Variants in AGAP1 observed in about 807,000 individuals in gnomAD.
AGAP1 encodes the protein ArfGAP with GTPase domain, ankyrin repeat and PH domain 1.
In AGAP1, 29 loss-of-function variants were observed where a neutral mutation model predicts 105.3. The observed-to-expected ratio is 0.28, with a 90% CI of 0.21 to 0.38. The LOEUF (loss-of-function observed/expected upper bound fraction) is 0.38, where lower values mean the gene tolerates loss of function less well. Among genes scored for constraint, AGAP1 ranks in the 10% least tolerant of loss-of-function variants. The pLI, the probability that AGAP1 is intolerant of heterozygous loss-of-function variation, is 1.00. For missense variants in AGAP1, 998 were observed against 1,165.1 expected (o/e 0.86, Z 2.09); for synonymous variants, 509 against 485.9 (o/e 1.05, Z -0.63).
intron 9 of AGAP1, among the ~76,000 whole-genome samples, chr2:235,832,128 A>C (rs921493016): frequency 3.3e-5 from 5 of 152,152 alleles, no homozygotes; most frequent in African/African-American, 1.2e-4. Flanking sequence ...GTTTCTGTTC[A>C]GATCTTCTGC....
chr2:235,926,156 A>G (rs942067249), intron 11 of AGAP1, among the ~76,000 whole-genome samples: 1 of 152,254 alleles, frequency 6.6e-6, no homozygotes, highest in Non-Finnish European at 1.5e-5. Context: ...ACATTCATTC[A>G]AGAACAGAAA....
chr2:235,743,333 C>T (rs1381678049), intron 4 of AGAP1, among the ~76,000 whole-genome samples: 2 of 152,192 alleles, frequency 1.3e-5, no homozygotes, highest in Non-Finnish European at 2.9e-5. Context: ...CTCAGATGGG[C>T]TTCAGCTCCC....
chr2:235,779,050 C>T (rs1956092642), intron 6 of AGAP1, among the ~76,000 whole-genome samples: 1 of 152,204 alleles, frequency 6.6e-6, no homozygotes, highest in Admixed American at 6.5e-5. Context: ...AAAGATCATG[C>T]AGGTCATAAA....
chr2:235,683,057 AG>A (rs1436427355), intron 1 of AGAP1, among the ~76,000 whole-genome samples: 1 of 152,180 alleles, frequency 6.6e-6, no homozygotes, highest in Non-Finnish European at 1.5e-5. Flanking sequence ...CTGTAATCCC[AG>A]CACTTTGGGA....
intron 13 of AGAP1, among the ~76,000 whole-genome samples, chr2:236,025,278 G>T (rs1559202839): frequency 6.6e-6 from 1 of 152,152 alleles, no homozygotes; most frequent in Admixed American, 6.5e-5. Flanking sequence ...TGAAGTGAGG[G>T]TGGCAGTGGA....
At chr2:235,561,783 T>TA (rs1320564963) in intron 1 of AGAP1, among the ~76,000 whole-genome samples, 3 of 152,338 alleles carry the variant, frequency 2.0e-5, no homozygotes, top group African/African-American at 4.8e-5. Flanking sequence ...GCCTTTGATT[T>TA]AAAAACTGTT....
intron 13 of AGAP1, among the ~76,000 whole-genome samples, chr2:235,998,490 C>T (rs941563728): frequency 6.6e-6 from 1 of 152,186 alleles, no homozygotes; most frequent in African/African-American, 2.4e-5. Flanking sequence ...CTAGTTCTTA[C>T]ACCTCTGGAA....
At position 235,875,307 on chromosome 2, in the gene AGAP1, G is replaced by A. The variant is rs908179677; in HGVS notation, c.1051-8038G>A. ...AAAATCGATGGTATTTTAAATTGTT[G>A]GGATGAACAAGCACTTTGGGTTCCT... On this transcript the variant is annotated intron_variant, in intron 9 of 17. Coordinates refer to ENST00000304032, the MANE Select transcript of AGAP1 (RefSeq NM_001037131.3). The surrounding 1 kb of genome is among the most constrained non-coding windows in gnomAD (Gnocchi z 4.0). 4.6e-5 allele frequency among the ~76,000 whole-genome samples: 7 copies of A among 152,178 alleles called. No individual in the cohort carries two copies. The highest frequency in any genetic ancestry group is 1.7e-4 in the African/African-American group (7 of 41,434).
intron 1 of AGAP1, among the ~76,000 whole-genome samples, chr2:235,651,013 C>G (rs1003114696): frequency 6.6e-6 from 1 of 151,734 alleles, no homozygotes; most frequent in African/African-American, 2.4e-5. Flanking sequence ...AACCCGGTCT[C>G]TCTTAAAAAT....
In AGAP1 at chr2:236,040,526, G is replaced by C. The variant is rs1478388539; in HGVS notation, c.1801-225G>C. ...ATTTCTGGCAGAGTCCGTCTCAGCT[G>C]ATGAGTTAAAATGTGACATTTCCTC... On this transcript the variant is annotated intron_variant, in intron 14 of 17. Transcript: ENST00000304032. This position sits in a 1 kb window ranked among gnomAD's most constrained non-coding sequence, Gnocchi z 5.6. The C allele has an allele frequency of 5.5e-5, 30 of 541,862 alleles. No individual in the cohort carries two copies. The highest frequency in any genetic ancestry group is 6.6e-6 in the Non-Finnish European group (2 of 301,066). 33.6% of individuals were successfully genotyped at this position (541,862 alleles called of 1,614,324 possible). A position where few individuals can be genotyped will look rare whatever the true frequency, so the allele number is the denominator to read the frequency against.
chr2:235,845,983 CA>C lies in AGAP1; in HGVS notation c.1051-37361del, dbSNP rs1961441583. Among the ~76,000 whole-genome samples the C allele has an allele frequency of 1.3e-5, 2 of 152,202 alleles. No individual in the cohort carries two copies. Among genetic ancestry groups the C allele is most frequent in the Admixed American group, 6.5e-5 (1 of 15,302 alleles). ...GGGTTGAAATCTTTCCCAGGCCCTC[CA>C]GACCTCCTGGATGAGGCTTAAATTT... On this transcript the variant is annotated intron_variant, in intron 9 of 17. Transcript: ENST00000304032. The surrounding 1 kb of genome is among the most constrained non-coding windows in gnomAD (Gnocchi z 4.8).
chr2:235,885,220 A>G (rs13017704), intron 10 of AGAP1, among the ~76,000 whole-genome samples: 56,492 of 151,998 alleles, frequency 0.37, 10,923 homozygotes, highest in South Asian at 0.64. Context: ...CTGTGTATAC[A>G]CTGCCCACAG....
chr2:236,017,650 G>A (rs2056751875), intron 13 of AGAP1, among the ~76,000 whole-genome samples: 1 of 152,220 alleles, frequency 6.6e-6, no homozygotes, highest in Admixed American at 6.5e-5. Context: ...GGAGCTGGGA[G>A]TGGACTCAGC....
At chr2:235,896,856 A>G (rs551311548) in intron 10 of AGAP1, among the ~76,000 whole-genome samples, 30 of 152,370 alleles carry the variant, frequency 2.0e-4, no homozygotes, top group African/African-American at 6.5e-4. Context: ...ACACCAACAC[A>G]GAAAAGGACT....
intron 16 of AGAP1, among the ~76,000 whole-genome samples, chr2:236,097,821 T>C (rs2125892907): frequency 6.6e-6 from 1 of 152,162 alleles, no homozygotes; most frequent in South Asian, 2.1e-4. Context: ...AAATACAAAC[T>C]CCCACTTCCC....
chr2:235,560,905 T>C (rs1944129406), intron 1 of AGAP1, among the ~76,000 whole-genome samples: 1 of 152,150 alleles, frequency 6.6e-6, no homozygotes, highest in Admixed American at 6.5e-5. Flanking sequence ...CAAGCGATGC[T>C]CCAGGAAACC....
intron 1 of AGAP1, among the ~76,000 whole-genome samples, chr2:235,516,076 G>GCTGCTGCTGCTGCTGCTGCTT (rs1006757599): frequency 1.1e-4 from 15 of 140,310 alleles, no homozygotes; most frequent in African/African-American, 3.7e-4. Context: ...TGCTGCTGCT[G>GCTGCTGCTGCTGCTGCTGCTT]CTGCTGCTGC....
In AGAP1 at chr2:235,497,619, C is replaced by T. The variant is rs550639052; in HGVS notation, c.163+2770C>T. On this transcript the variant is annotated intron_variant, in intron 1 of 17. Transcript: ENST00000304032. ...GGGCACTTCTTTTTTTGTTTTGAGACGGAGTCTCGCTCTGTCGCCCAGGCT... is the reference window on the plus strand; with the variant it reads ...GGGCACTTCTTTTTTTGTTTTGAGATGGAGTCTCGCTCTGTCGCCCAGGCT... Among the ~76,000 whole-genome samples the T allele has an allele frequency of 1.6e-4, 24 of 152,328 alleles. No homozygotes were observed. The South Asian group carries it at 4.3e-3, about 28-fold the overall frequency.
chr2:235,774,092 C>T (rs1279579986), intron 6 of AGAP1: 2 of 418,954 alleles, frequency 4.8e-6, no homozygotes, highest in African/African-American at 4.2e-5. Flanking sequence ...GTTTTACTGC[C>T]TTGCAATTAA....
Sources: gnomAD v4.1 joint callset for allele counts (sites outside exome capture counted in the v4.1 genomes callset) on GRCh38, gnomAD v4.1.1 for gene constraint, Gnocchi (gnomAD v3.1) non-coding constraint, MANE v1.5 for transcripts, NCBI Gene and HGNC (gene_info 2026-07-23, HGNC 2026-07-21) for gene names.